UBE3B: variants seen among roughly 807,000 people sequenced by gnomAD.
The protein encoded by UBE3B is ubiquitin-protein ligase E3B.
In UBE3B, 80 loss-of-function variants were observed where a neutral mutation model predicts 132.3. The ratio of observed to expected loss-of-function variants is 0.60; its 90% CI spans 0.50 to 0.73. The LOEUF (loss-of-function observed/expected upper bound fraction) is 0.73, where lower values mean the gene tolerates loss of function less well. Among genes scored for constraint, UBE3B ranks in the 30% least tolerant of loss-of-function variants. The pLI is 0.00. For synonymous variants in UBE3B, 487 were observed against 520.4 expected, an observed-to-expected ratio of 0.94 and a Z score of 0.87; for missense variants, 1,196 against 1,362.5, an observed-to-expected ratio of 0.88 and a Z score of 1.92.
At chr12:109,502,120 G>T (rs1288188761) in intron 13 of UBE3B, among the ~76,000 whole-genome samples, 1 of 152,166 alleles carries the variant, frequency 6.6e-6, no homozygotes, top group Non-Finnish European at 1.5e-5. Flanking sequence ...ACACACATAT[G>T]TTACATTAGG....
intron 6 of UBE3B, among the ~76,000 whole-genome samples, chr12:109,487,121 T>C (rs1240373892): frequency 6.6e-6 from 1 of 152,142 alleles, no homozygotes; most frequent in Non-Finnish European, 1.5e-5. Flanking sequence ...TACTCTGTCT[T>C]GACTAAAGGG....
At chr12:109,545,170 C>G in the UBE3B span, among the ~76,000 whole-genome samples, 2 of 152,364 alleles carry the variant, frequency 1.3e-5, no homozygotes, top group South Asian at 4.1e-4. Flanking sequence ...CCACTAGGGA[C>G]ACTGTCCAGG....
At chr12:109,479,190 C>T (rs1592862051) in intron 1 of UBE3B, among the ~76,000 whole-genome samples, 1 of 152,140 alleles carries the variant, frequency 6.6e-6, no homozygotes, top group South Asian at 2.1e-4. Flanking sequence ...TTATCACCAA[C>T]CTCTTATTTT....
chr12:109,526,329 C>G (rs1882329971), intron 23 of UBE3B, 29 bp from the exon 24 acceptor site: 6 of 1,612,214 alleles, frequency 3.7e-6, no homozygotes, highest in Non-Finnish European at 4.2e-6. Context: ...AGAGTCCTCC[C>G]TATTAATTAC....
chr12:109,523,727 G>A (rs547276336), intron 21 of UBE3B, among the ~76,000 whole-genome samples: 63 of 152,358 alleles, frequency 4.1e-4, no homozygotes, highest in Admixed American at 3.4e-3. Flanking sequence ...CTTGGCAGCA[G>A]CCCAGCTAGG....
chr12:109,525,378 C>T (rs528968927), intron 23 of UBE3B, among the ~76,000 whole-genome samples: 54 of 152,338 alleles, frequency 3.5e-4, no homozygotes, highest in African/African-American at 1.3e-3. Context: ...TGCTGTCTCG[C>T]AGGATCGTTC....
At chr12:109,511,368 C>A in intron 18 of UBE3B, 65 bp downstream of exon 18, 2 of 1,458,684 alleles carry the variant, frequency 1.4e-6, no homozygotes, top group South Asian at 1.2e-5. Flanking sequence ...TCCTGCCTTT[C>A]CATCCTTGCT....
At chr12:109,538,692 A>C (rs973077978), downstream of UBE3B, among the ~76,000 whole-genome samples, 6 of 152,184 alleles carry the variant, frequency 3.9e-5, no homozygotes, top group East Asian at 1.9e-4. The surrounding 1 kb of genome is among the most constrained non-coding windows in gnomAD (Gnocchi z 4.1). Flanking sequence ...GCTGCTGCTG[A>C]TGATCCCAGC....
At chr12:109,489,761 T>A (rs1877111612) in intron 7 of UBE3B, among the ~76,000 whole-genome samples, 158 bp from the exon 8 acceptor site, 1 of 152,200 alleles carries the variant, frequency 6.6e-6, no homozygotes, top group Non-Finnish European at 1.5e-5. Flanking sequence ...ACGCATTGCC[T>A]TTCTGTGCTC....
chr12:109,533,394 C>A, intron 26 of UBE3B, 72 bp from the exon 27 acceptor site: 2 of 1,364,544 alleles, frequency 1.5e-6, no homozygotes, highest in Non-Finnish European at 2.1e-6. Flanking sequence ...ACACGTGCTA[C>A]ACAGCTGCAA....
At position 109,479,140 on chromosome 12, in the gene UBE3B, C is replaced by A. The variant is rs78160642; in HGVS notation, c.-128+1031C>A. ...ATGAGATCACTTATAAAGGACTTGA[C>A]ACATAATGGGCACTCATTTACTTTT... On this transcript the variant is annotated intron_variant, in intron 1 of 27. Transcript: ENST00000342494. Among the ~76,000 whole-genome samples, 426 of 152,284 alleles carry A rather than the reference C, an allele frequency of 2.8e-3. 8 individuals carry two copies. Among genetic ancestry groups the A allele is most frequent in the East Asian group, 0.022 (112 of 5,184 alleles).
chr12:109,524,400 C>T (rs1289936515), intron 22 of UBE3B, 38 bp from the exon 23 acceptor site: 18 of 1,611,930 alleles, frequency 1.1e-5, no homozygotes, highest in Non-Finnish European at 1.5e-5. Flanking sequence ...ACATAGTGCT[C>T]CATGGCCCTA....
intron 2 of UBE3B, among the ~76,000 whole-genome samples, chr12:109,482,938 G>T (rs1374658500): frequency 6.6e-6 from 1 of 152,200 alleles, no homozygotes; most frequent in African/African-American, 2.4e-5. Flanking sequence ...GCATTCTGAA[G>T]TGTGTACCTT....
Position 109,501,277 on chromosome 12 carries a change from G to T in UBE3B, c.1119-94G>T, listed in dbSNP as rs928193143. 3.3e-5 allele frequency: 50 copies of T among 1,501,776 alleles called. No homozygotes were observed. The East Asian group carries it at 1.1e-3, about 32-fold the overall frequency. The allele number at this position is 1,501,776 out of a possible 1,614,324, so 93.0% of individuals were successfully genotyped here. Reference sequence around the variant, plus strand: ...TGTTGAGTGCCAGGTCCTAGCTACAGCTCCGAGTGGAAGGCCATTAGGAAC... The same window carrying T: ...TGTTGAGTGCCAGGTCCTAGCTACATCTCCGAGTGGAAGGCCATTAGGAAC... On this transcript the variant is annotated intron_variant, in intron 12 of 27. Coordinates refer to ENST00000342494, the MANE Select transcript of UBE3B (RefSeq NM_130466.4).
In UBE3B at chr12:109,521,338, G is replaced by A. The variant is rs1233746514; in HGVS notation, c.2253+14G>A. The A allele has an allele frequency of 1.9e-6, 3 of 1,609,912 alleles. No homozygotes were observed. Among genetic ancestry groups the A allele is most frequent in the African/African-American group, 1.3e-5 (1 of 74,992 alleles). On this transcript the variant is annotated intron_variant, in intron 20 of 27. Transcript: ENST00000342494. This position sits in a 1 kb window ranked among gnomAD's most constrained non-coding sequence, Gnocchi z 4.2. ...AATCTGTTCAAGGTATTTAAGGGGA[G>A]CAACAGCAGGGCTGACAGCAGCCAG...
At chr12:109,501,202 C>T (rs1878939854) in intron 12 of UBE3B, among the ~76,000 whole-genome samples, 169 bp from the exon 13 acceptor site, 1 of 152,226 alleles carries the variant, frequency 6.6e-6, no homozygotes, top group Admixed American at 6.5e-5. Context: ...ACCAGCCCCT[C>T]AGCAATGATT....
At chr12:109,491,285 T>G in intron 9 of UBE3B, 158 bp downstream of exon 9, 1 of 535,808 alleles carries the variant, frequency 1.9e-6, no homozygotes, top group South Asian at 4.1e-5. Flanking sequence ...CATTTGTGAC[T>G]GCTCAAACTT....
intron 27 of UBE3B, chr12:109,533,769 C>T: frequency 2.4e-6 from 2 of 843,292 alleles, no homozygotes; most frequent in East Asian, 2.7e-5. Context: ...CCTCTCTCGG[C>T]AGCCCCTTTC....
chr12:109,511,264 G>C lies in UBE3B; in HGVS notation c.1917G>C (p.Leu639Phe), dbSNP rs1348444836. 1 of 1,614,078 alleles carries C rather than the reference G, an allele frequency of 6.2e-7. No homozygotes were observed. Among genetic ancestry groups the C allele is most frequent in the African/African-American group, 1.3e-5 (1 of 74,934 alleles). ...ACAGGGACAGAAAACGGGCACAGTTGATCCTGCAGTACATCCCACATGTCA... is the reference window on the plus strand; with the variant it reads ...ACAGGGACAGAAAACGGGCACAGTTCATCCTGCAGTACATCCCACATGTCA... ...ELDRDRKRAQLILQYIPHVIP... is the reference protein window; with the variant it reads ...ELDRDRKRAQFILQYIPHVIP... Residue 639 changes from leucine to phenylalanine, a missense_variant, in exon 18 of 28, where the codon TTG becomes TTC. Coordinates refer to ENST00000342494, the MANE Select transcript of UBE3B (RefSeq NM_130466.4).
Sources: gnomAD v4.1 joint callset for allele counts (sites outside exome capture counted in the v4.1 genomes callset) on GRCh38, gnomAD v4.1.1 for gene constraint, Gnocchi (gnomAD v3.1) non-coding constraint, MANE v1.5 for transcripts, NCBI Gene and HGNC (gene_info 2026-07-23, HGNC 2026-07-21) for gene names.